RBFOX1: variants seen among roughly 807,000 people sequenced by gnomAD.
RBFOX1 encodes RNA binding fox-1 homolog 1.
In RBFOX1, 8 loss-of-function variants were observed where a neutral mutation model predicts 57.7. The ratio of observed to expected loss-of-function variants is 0.14; its 90% CI spans 0.08 to 0.25. The LOEUF (loss-of-function observed/expected upper bound fraction) is 0.25, where lower values mean the gene tolerates loss of function less well. RBFOX1 is among the 10% of genes least tolerant of loss of function. RBFOX1 has a pLI of 1.00. For missense variants in RBFOX1, 611 were observed against 548.5 expected (o/e 1.11, Z -1.14); for synonymous variants, 326 against 222.4 (o/e 1.47, Z -4.15).
At chr16:5,777,134 A>G (rs960439494) in intron 3 of RBFOX1, among the ~76,000 whole-genome samples, 6 of 152,086 alleles carry the variant, frequency 3.9e-5, no homozygotes, top group Non-Finnish European at 7.4e-5. Context: ...TTACCTTACA[A>G]TTCTGGAGGT....
At chr16:7,305,597 G>C (rs1196049033) in intron 4 of RBFOX1, among the ~76,000 whole-genome samples, 1 of 152,180 alleles carries the variant, frequency 6.6e-6, no homozygotes, top group Non-Finnish European at 1.5e-5. Context: ...CAAGAGTTGA[G>C]AGTGGCCCTC....
At chr16:7,070,019 T>G (rs2056993904) in intron 4 of RBFOX1, among the ~76,000 whole-genome samples, 1 of 152,222 alleles carries the variant, frequency 6.6e-6, no homozygotes, top group African/African-American at 2.4e-5. Context: ...ATCATCCTTT[T>G]GCCATCAGTC....
At position 5,414,568 on chromosome 16, in the gene RBFOX1, T is replaced by C. The variant is rs200580900; in HGVS notation, c.220-52648T>C. On this transcript the variant is annotated intron_variant, in intron 1 of 2. Transcript: ENST00000585867. Reference sequence around the variant, plus strand: ...CCTTATGGCTTTCATCATTGCTTCATAGGCATCGTGGGTTGGTGTCCAGCT... The same window carrying C: ...CCTTATGGCTTTCATCATTGCTTCACAGGCATCGTGGGTTGGTGTCCAGCT... 1.6e-4 allele frequency among the ~76,000 whole-genome samples: 24 copies of C among 152,284 alleles called. No homozygotes were observed. In the East Asian group the frequency reaches 4.4e-3, roughly 28 times the overall value.
intron 1 of RBFOX1, among the ~76,000 whole-genome samples, chr16:5,242,451 C>T (rs1040902563): frequency 1.3e-5 from 2 of 152,220 alleles, no homozygotes; most frequent in African/African-American, 4.8e-5. Flanking sequence ...CTGCTGCCCA[C>T]AGTGCCCGCC....
chr16:6,780,151 ATATATATATTTATATATT>A (rs2080478574), intron 3 of RBFOX1, among the ~76,000 whole-genome samples: 1 of 34,246 alleles, frequency 2.9e-5, no homozygotes, highest in Non-Finnish European at 4.0e-5. Context: ...ATATATATTT[ATATATATATTTATATATT>A]TTTATATATT....
At chr16:5,239,738 G>A (rs2062115113), upstream of RBFOX1, 7 of 478,490 alleles carry the variant, frequency 1.5e-5, no homozygotes, top group Non-Finnish European at 2.5e-5. Flanking sequence ...AGCCAGGAGC[G>A]GCCCGCGGAG....
At chr16:5,472,369 A>C (rs1012361462) in intron 2 of RBFOX1, among the ~76,000 whole-genome samples, 9 of 152,038 alleles carry the variant, frequency 5.9e-5, no homozygotes, top group African/African-American at 1.7e-4. Flanking sequence ...CCCCCATTGC[A>C]AGAAAGATTA....
chr16:7,063,074 A>C (rs990921741), intron 4 of RBFOX1, among the ~76,000 whole-genome samples: 2 of 151,926 alleles, frequency 1.3e-5, no homozygotes, highest in Non-Finnish European at 2.9e-5. Flanking sequence ...CATACCCTGC[A>C]ATGCCTCCCT....
intron 2 of RBFOX1, among the ~76,000 whole-genome samples, chr16:5,598,232 A>AAT (rs1474793542): frequency 6.6e-6 from 1 of 152,060 alleles, no homozygotes; most frequent in East Asian, 1.9e-4. Flanking sequence ...TCAAAAAAAA[A>AAT]AAAATAAATA....
At chr16:5,751,436 T>G (rs976980553) in intron 3 of RBFOX1, among the ~76,000 whole-genome samples, 1 of 152,220 alleles carries the variant, frequency 6.6e-6, no homozygotes, top group Admixed American at 6.5e-5. Context: ...CTCCACCCAA[T>G]AGAGAAGTTA....
At chr16:6,179,839 T>A (rs1289222385) in intron 1 of RBFOX1, among the ~76,000 whole-genome samples, 2 of 152,224 alleles carry the variant, frequency 1.3e-5, no homozygotes. Context: ...TTTCACCATT[T>A]AGTGTGATAC....
At chr16:7,510,064 G>A in intron 4 of RBFOX1, 1 of 839,168 alleles carries the variant, frequency 1.2e-6, no homozygotes, top group Non-Finnish European at 1.4e-6. Context: ...AGCTGTGATT[G>A]ATGGGCCAGG....
intron 14 of RBFOX1, among the ~76,000 whole-genome samples, chr16:7,691,984 G>T (rs149405279): frequency 2.0e-5 from 3 of 152,100 alleles, no homozygotes; most frequent in Non-Finnish European, 4.4e-5. Flanking sequence ...AGGAATTCCC[G>T]TGTTATTGCC....
At chr16:7,047,891 T>A (rs1478354350) in intron 3 of RBFOX1, among the ~76,000 whole-genome samples, 1 of 151,766 alleles carries the variant, frequency 6.6e-6, no homozygotes. Context: ...TAATTAATTA[T>A]TTTTTTTGAG....
intron 4 of RBFOX1, among the ~76,000 whole-genome samples, chr16:7,199,241 A>C (rs979288510): frequency 7.9e-5 from 12 of 152,230 alleles, no homozygotes; most frequent in Non-Finnish European, 1.6e-4. Context: ...AGCTTAAACC[A>C]GACAAGATTT....
chr16:6,476,523 G>A (rs1480196875), intron 2 of RBFOX1, among the ~76,000 whole-genome samples: 1 of 152,106 alleles, frequency 6.6e-6, no homozygotes, highest in Non-Finnish European at 1.5e-5. Flanking sequence ...TCTAAAAAAC[G>A]ACGTGCATAC....
At chr16:6,991,443 C>A (rs898721590) in intron 3 of RBFOX1, among the ~76,000 whole-genome samples, 3 of 152,182 alleles carry the variant, frequency 2.0e-5, no homozygotes, top group Non-Finnish European at 2.9e-5. Flanking sequence ...GGGGAACTGA[C>A]ACAATGATTA....
chr16:5,285,072 A>G (rs2063360254), intron 1 of RBFOX1, among the ~76,000 whole-genome samples: 1 of 152,038 alleles, frequency 6.6e-6, no homozygotes, highest in African/African-American at 2.4e-5. Flanking sequence ...TACCCATCTC[A>G]TCTCCATCTG....
chr16:7,260,901 G>A (rs1648637011), intron 4 of RBFOX1, among the ~76,000 whole-genome samples: 2 of 152,230 alleles, frequency 1.3e-5, no homozygotes, highest in Admixed American at 6.5e-5. Context: ...CAGTCACTGG[G>A]GTTGGACCCA....
Sources: allele counts gnomAD v4.1 joint callset (sites outside exome capture counted in the v4.1 genomes callset), GRCh38; gene constraint gnomAD v4.1.1; transcripts MANE v1.5; gene names NCBI Gene and HGNC (gene_info 2026-07-23, HGNC 2026-07-21).